The following PLCG2 variants were observed in gnomAD, a reference collection of about 807,000 sequenced individuals.
PLCG2 encodes 1-phosphatidylinositol 4,5-bisphosphate phosphodiesterase gamma-2.
PLCG2 carries 69 observed loss-of-function variants against 175.6 expected under a neutral mutation model. The observed-to-expected ratio is 0.39, with a 90% CI of 0.32 to 0.48. PLCG2 has a LOEUF of 0.48. Among genes scored for constraint, PLCG2 ranks in the 20% least tolerant of loss-of-function variants. PLCG2 has a pLI of 0.91. For missense variants in PLCG2, 1,798 were observed against 1,650.9 expected, an observed-to-expected ratio of 1.09 and a Z score of -1.54; for synonymous variants, 827 against 624.0, an observed-to-expected ratio of 1.33 and a Z score of -4.85.
At chr16:81,856,367 C>T (rs1421364068) in intron 3 of PLCG2, among the ~76,000 whole-genome samples, 1 of 152,162 alleles carries the variant, frequency 6.6e-6, no homozygotes, top group African/African-American at 2.4e-5. Flanking sequence ...TGTTACACAG[C>T]CCTGAAGTGG....
intron 2 of PLCG2, among the ~76,000 whole-genome samples, chr16:81,797,786 C>A (rs974760035): frequency 1.3e-5 from 2 of 152,250 alleles, no homozygotes; most frequent in African/African-American, 4.8e-5. Context: ...GACTGTGTGA[C>A]CTTAGGCAAT....
intron 25 of PLCG2, among the ~76,000 whole-genome samples, chr16:81,931,865 G>C (rs1567538451): frequency 6.6e-6 from 1 of 152,174 alleles, no homozygotes; most frequent in Non-Finnish European, 1.5e-5. Context: ...GGTGGGTCTG[G>C]TTGTCTGGTT....
At chr16:81,826,857 G>C (rs1905068434) in intron 2 of PLCG2, among the ~76,000 whole-genome samples, 1 of 152,162 alleles carries the variant, frequency 6.6e-6, no homozygotes, top group African/African-American at 2.4e-5. Context: ...TTGAGTAATT[G>C]CTGGGTTTTT....
At chr16:81,915,424 T>C (rs1037243391) in intron 19 of PLCG2, among the ~76,000 whole-genome samples, 1 of 152,212 alleles carries the variant, frequency 6.6e-6, no homozygotes, top group African/African-American at 2.4e-5. Flanking sequence ...AAGGCATCTC[T>C]TGGGCAGTGA....
At chr16:81,928,680 C>T (rs1597138599) in intron 24 of PLCG2, 56 bp downstream of exon 24, 1 of 1,171,574 alleles carries the variant, frequency 8.5e-7, no homozygotes, top group East Asian at 2.3e-5. Flanking sequence ...CATGGGCTGA[C>T]CTCAGCCCCG....
rs992338859 is a variant in PLCG2, at chr16:81,794,343, T to A, written c.193+8161T>A. Among the ~76,000 whole-genome samples, 7 of 152,286 alleles carry A rather than the reference T, an allele frequency of 4.6e-5. No homozygotes were observed. The East Asian group carries it at 1.3e-3, about 29-fold the overall frequency. On this transcript the variant is annotated intron_variant, in intron 2 of 32. Transcript: ENST00000564138. The stretch of plus-strand genomic sequence containing the variant: ...TTTTGAAATAAATGTGAAATTACTA[T>A]TAATAATAATAATAAATGAATTATT...
At chr16:81,753,342 G>GTTTTTTTTTTTTT (rs34438350) in intron 1 of PLCG2, among the ~76,000 whole-genome samples, 3 of 91,124 alleles carry the variant, frequency 3.3e-5, no homozygotes, top group Admixed American at 1.3e-4. Flanking sequence ...GTCCTGGCAG[G>GTTTTTTTTTTTTT]TTTTTTTTTT....
At chr16:81,861,654 G>A (rs933280676) in intron 5 of PLCG2, among the ~76,000 whole-genome samples, 5 of 152,088 alleles carry the variant, frequency 3.3e-5, no homozygotes, top group Non-Finnish European at 5.9e-5. Context: ...TTTCAGCCTC[G>A]GAGGTGATGC....
intron 9 of PLCG2, among the ~76,000 whole-genome samples, chr16:81,888,267 A>G (rs567596231): frequency 3.7e-4 from 56 of 152,166 alleles, no homozygotes; most frequent in African/African-American, 1.2e-3. Flanking sequence ...CTGGAGTGCA[A>G]TGGTACAACC....
At chr16:81,825,628 A>C (rs1905016734) in intron 2 of PLCG2, among the ~76,000 whole-genome samples, 1 of 152,184 alleles carries the variant, frequency 6.6e-6, no homozygotes, top group African/African-American at 2.4e-5. Context: ...CAGTAATAGT[A>C]GGTTGGTGCA....
At chr16:81,756,161 C>T (rs1236852617) in intron 2 of PLCG2, among the ~76,000 whole-genome samples, 1 of 152,238 alleles carries the variant, frequency 6.6e-6, no homozygotes, top group Non-Finnish European at 1.5e-5. Context: ...TCCGCAAGAT[C>T]AAATAGGGCT....
chr16:81,922,679 C>T (rs184203695), intron 21 of PLCG2, among the ~76,000 whole-genome samples: 2 of 152,266 alleles, frequency 1.3e-5, no homozygotes, highest in Admixed American at 6.5e-5. Context: ...AAAAATTTTA[C>T]TAGGTTCCCT....
At chr16:81,909,665 C>T (rs766233879) in intron 17 of PLCG2, among the ~76,000 whole-genome samples, 7 of 152,190 alleles carry the variant, frequency 4.6e-5, no homozygotes, top group Non-Finnish European at 8.8e-5. Context: ...CCTCTGGCTT[C>T]GGCCTCCTGA....
rs1000394447 is a variant in PLCG2 at position 81,959,252 on chromosome 16, G to A, written c.*1254G>A. ...ACCAGCAGTAAGCCTGATGTTTGAT[G>A]TGGATGGAACTGGCCCCTAGAAACC... is the stretch of plus-strand genomic sequence containing the variant. On this transcript the variant is annotated 3_prime_UTR_variant, in exon 33 of 33. Transcript: ENST00000564138. 1.3e-5 allele frequency: 3 copies of A among 224,048 alleles called. No homozygotes were observed. Among genetic ancestry groups the A allele is most frequent in the Non-Finnish European group, 1.8e-5 (2 of 112,360 alleles). The allele number at this position is 224,048 out of a possible 1,614,324, so 13.9% of individuals were successfully genotyped here. A position where few individuals can be genotyped will look rare whatever the true frequency, so the allele number is the denominator to read the frequency against.
At chr16:81,921,441 T>A in intron 21 of PLCG2, 172 bp downstream of exon 21, 1 of 665,268 alleles carries the variant, frequency 1.5e-6, no homozygotes, top group South Asian at 1.6e-5. Flanking sequence ...TCAAGCCTAG[T>A]TTCAGGGAAA....
At chr16:81,792,939 C>T (rs1597321687) in intron 2 of PLCG2, among the ~76,000 whole-genome samples, 2 of 152,166 alleles carry the variant, frequency 1.3e-5, no homozygotes. Context: ...GTTTCCATAT[C>T]TGTCAAGTGA....
intron 31 of PLCG2, among the ~76,000 whole-genome samples, chr16:81,950,299 G>A (rs1256645538): frequency 6.6e-6 from 1 of 152,118 alleles, no homozygotes; most frequent in East Asian, 1.9e-4. Flanking sequence ...CATCAATCTA[G>A]AATTTACGAT....
At chr16:81,856,090 T>G (rs115433450) in intron 3 of PLCG2, among the ~76,000 whole-genome samples, 140 of 152,254 alleles carry the variant, frequency 9.2e-4, no homozygotes, top group African/African-American at 3.3e-3. Flanking sequence ...AACCCTAAAT[T>G]CAAGGTCAGC....
At chr16:81,825,619 A>G (rs1479781156) in intron 2 of PLCG2, among the ~76,000 whole-genome samples, 2 of 152,224 alleles carry the variant, frequency 1.3e-5, no homozygotes, top group Non-Finnish European at 2.9e-5. Flanking sequence ...CTTTTAGAGC[A>G]GTAATAGTAG....
Sources: gnomAD v4.1 joint callset for allele counts (sites outside exome capture counted in the v4.1 genomes callset) on GRCh38, gnomAD v4.1.1 for gene constraint, MANE v1.5 for transcripts, NCBI Gene and HGNC (gene_info 2026-07-23, HGNC 2026-07-21) for gene names.